NKTR: variants seen among roughly 807,000 people sequenced by gnomAD.
The protein encoded by NKTR is NK-tumor recognition protein.
Under a neutral mutation model 156.3 loss-of-function variants are expected in NKTR, and 67 were observed. That is an observed-to-expected ratio of 0.43 (90% CI 0.35 to 0.53). The LOEUF (loss-of-function observed/expected upper bound fraction) is 0.53, where lower values mean the gene tolerates loss of function less well. NKTR is among the 20% of genes least tolerant of loss of function. NKTR has a pLI of 0.01. For synonymous variants in NKTR, 640 were observed against 596.6 expected (o/e 1.07, Z -1.06); for missense variants, 1,604 against 1,730.9 (o/e 0.93, Z 1.30).
chr3:42,607,632 T>G (rs1350003311), intron 2 of NKTR, among the ~76,000 whole-genome samples: 2 of 152,138 alleles, frequency 1.3e-5, no homozygotes, highest in Non-Finnish European at 2.9e-5. Context: ...GTCAGTAAAC[T>G]AGAAGGAACT....
chr3:42,642,647 T>C lies in NKTR; in HGVS notation c.4142+51T>C, dbSNP rs763053898. ...TGTGGTCTCCATCATGTCCACTTTT[T>C]AAGGCTACATAGGCAGAGGGGGTAG... On this transcript the variant is annotated intron_variant, in intron 14 of 16. Coordinates refer to ENST00000232978, the MANE Select transcript of NKTR (RefSeq NM_005385.4). 25 of 1,264,612 alleles carry C rather than the reference T, an allele frequency of 2.0e-5. 1 individual carries two copies. The Admixed American group carries it at 3.7e-4, about 19-fold the overall frequency. 78.3% of individuals were successfully genotyped at this position (1,264,612 alleles called of 1,614,324 possible).
At chr3:42,622,478 T>A (rs1157234656) in intron 6 of NKTR, among the ~76,000 whole-genome samples, 4 of 152,076 alleles carry the variant, frequency 2.6e-5, no homozygotes, top group Admixed American at 2.6e-4. Context: ...TCCCTGTCTT[T>A]AAAGGAGTAT....
At chr3:42,632,132 C>T (rs1384106419) in intron 8 of NKTR, among the ~76,000 whole-genome samples, 2 of 136,654 alleles carry the variant, frequency 1.5e-5, no homozygotes, top group Admixed American at 1.6e-4. Flanking sequence ...TGCAGTGGCA[C>T]TATCTCGGCT....
chr3:42,633,381 C>A, intron 9 of NKTR, 199 bp from the exon 10 acceptor site: 1 of 1,356,752 alleles, frequency 7.4e-7, no homozygotes, highest in Non-Finnish European at 9.5e-7. Flanking sequence ...GATCATTTAA[C>A]AATTTTCCTA....
Position 42,630,816 on chromosome 3 carries a change from T to TATTTTTC in NKTR, c.404+242_404+248dup. On this transcript the variant is annotated intron_variant, in intron 7 of 16. Coordinates refer to ENST00000232978, the MANE Select transcript of NKTR (RefSeq NM_005385.4). ...CAGCAATATAATTCTTTTTATTTTT[T>TATTTTTC]ATTTTTCTCTTCAGTTTTCCAAAAT... 3 of 1,342,316 alleles carry TATTTTTC rather than the reference T, an allele frequency of 2.2e-6. No homozygotes were observed. In the South Asian group the frequency reaches 6.9e-5, roughly 31 times the overall value. The allele number at this position is 1,342,316 out of a possible 1,614,324, so 83.2% of individuals were successfully genotyped here.
chr3:42,620,102 A>G (rs886979586), intron 5 of NKTR: 28 of 1,521,816 alleles, frequency 1.8e-5, no homozygotes, highest in Non-Finnish European at 2.5e-5. Flanking sequence ...ACCCTTCCTA[A>G]TAAATTTATG....
rs1287508185 is a variant in NKTR at position 42,630,556 on chromosome 3, C to G, written c.385C>G (p.Pro129Ala). The change falls in exon 7 of 17, where the codon CCT (proline) becomes GCT (alanine). Residue 129 changes from proline to alanine, a missense_variant. Pro to Ala is a conservative substitution (Grantham distance 27, BLOSUM62 -1). Coordinates refer to ENST00000232978, the MANE Select transcript of NKTR (RefSeq NM_005385.4). ...NGSQFFITTK[P>A]APHLDGVHVV... ...ATGTTTATTACATAGTACCACAAAG[C>G]CTGCTCCACACCTGGATGGGTAAGA... 1.9e-6 allele frequency: 3 copies of G among 1,613,704 alleles called. No individual in the cohort carries two copies. The highest frequency in any genetic ancestry group is 2.5e-6 in the Non-Finnish European group (3 of 1,179,830).
chr3:42,601,044 T>C lies in NKTR; in HGVS notation c.38T>C (p.Ile13Thr). The change falls in exon 2 of 17, where the codon ATC becomes ACC. Residue 13 changes from isoleucine (I) to threonine (T), a missense_variant. Transcript: ENST00000232978. ...AQDRPQCHFD[I>T]EINREPVGRI... is the part of the protein sequence containing the mutation. ...GACCGGCCGCAGTGCCACTTCGACA[T>C]CGAGATCAACCGGGAGCCGGGTGAG... The C allele has an allele frequency of 1.3e-6, 2 of 1,582,540 alleles. No homozygotes were observed. The highest frequency in any genetic ancestry group is 1.7e-6 in the Non-Finnish European group (2 of 1,167,472).
rs538301506 is a variant in NKTR at position 42,643,141 on chromosome 3, C to A, written c.4143-198C>A. On this transcript the variant is annotated intron_variant, in intron 14 of 16. Transcript: ENST00000232978. ...TGACTATATGCATCTCAGAGAAGAA[C>A]TGCATAAAACTTGATCTTATGAAAT... Among the ~76,000 whole-genome samples, 25 of 152,300 alleles carry A rather than the reference C, an allele frequency of 1.6e-4. 1 individual carries two copies. In the South Asian group the frequency reaches 2.7e-3, roughly 16 times the overall value.
At chr3:42,621,752 T>TA (rs1707924133) in intron 6 of NKTR, among the ~76,000 whole-genome samples, 1 of 151,968 alleles carries the variant, frequency 6.6e-6, no homozygotes, top group Non-Finnish European at 1.5e-5. Context: ...GTTTTCAAAA[T>TA]ATGCCGTCAT....
intron 3 of NKTR, among the ~76,000 whole-genome samples, chr3:42,617,880 T>C (rs955576612): frequency 6.6e-6 from 1 of 152,154 alleles, no homozygotes; most frequent in African/African-American, 2.4e-5. Context: ...CTACGTTATA[T>C]AATGGAATCT....
At chr3:42,605,988 G>A (rs555603894) in intron 2 of NKTR, among the ~76,000 whole-genome samples, 4 of 152,084 alleles carry the variant, frequency 2.6e-5, no homozygotes, top group Non-Finnish European at 4.4e-5. Flanking sequence ...TATAACAATC[G>A]GATAAGCAGG....
At position 42,634,715 on chromosome 3, in the gene NKTR, A is replaced by G; in HGVS notation, c.1017+15A>G. 1 of 1,438,070 alleles carries G rather than the reference A, an allele frequency of 7.0e-7. No individual in the cohort carries two copies. Among genetic ancestry groups the G allele is most frequent in the Non-Finnish European group, 9.6e-7 (1 of 1,044,230 alleles). 89.1% of individuals were successfully genotyped at this position (1,438,070 alleles called of 1,614,324 possible). On this transcript the variant is annotated intron_variant, in intron 11 of 16. Coordinates refer to ENST00000232978, the MANE Select transcript of NKTR (RefSeq NM_005385.4). Reference sequence around the variant, plus strand: ...GGGGCACAATTGTATGTGTGATAAGACTTTTTTTGATATTATGTATCTAAT... The same window carrying G: ...GGGGCACAATTGTATGTGTGATAAGGCTTTTTTTGATATTATGTATCTAAT...
At position 42,639,581 on chromosome 3, in the gene NKTR, A is replaced by T; in HGVS notation, c.3877A>T (p.Asn1293Tyr). 2 of 1,614,194 alleles carry T rather than the reference A, an allele frequency of 1.2e-6. No homozygotes were observed. Among genetic ancestry groups the T allele is most frequent in the East Asian group, 4.5e-5 (2 of 44,882 alleles). ...KTARLNRRPR[N>Y]QESSSDEQTP... ...AGCACGCTTAAACCGTAGACCAAGAAATCAGGAGAGTTCAAGTGATGAGCA... is the reference window on the plus strand; with the variant it reads ...AGCACGCTTAAACCGTAGACCAAGATATCAGGAGAGTTCAAGTGATGAGCA... The change falls in exon 13 of 17, where the codon AAT (asparagine) becomes TAT (tyrosine). Residue 1293 changes from asparagine (N) to tyrosine (Y), a missense_variant. By Grantham distance (143) the Asn-to-Tyr change is moderately radical. Transcript: ENST00000232978.
Position 42,635,240 on chromosome 3 carries a change from G to T in NKTR, c.1037G>T (p.Arg346Ile). Residue 346 changes from arginine (R) to isoleucine (I), a missense_variant, in exon 12 of 17, where the codon AGA (arginine) becomes ATA (isoleucine). By Grantham distance (97) the Arg-to-Ile change is moderately conservative. Transcript: ENST00000232978. Reference protein sequence around the residue: ...RGTIRYHTPPRSRSCSESDDD... With the variant: ...RGTIRYHTPPISRSCSESDDD... ...TTAAAGCGCTATCACACACCTCCAA[G>T]ATCAAGATCCTGTTCTGAGTCAGAT... 1 of 1,612,058 alleles carries T rather than the reference G, an allele frequency of 6.2e-7. No individual in the cohort carries two copies. Among genetic ancestry groups the T allele is most frequent in the South Asian group, 1.1e-5 (1 of 90,592 alleles).
chr3:42,625,866 T>G (rs1298528826), intron 6 of NKTR, among the ~76,000 whole-genome samples: 1 of 152,178 alleles, frequency 6.6e-6, no homozygotes, highest in Non-Finnish European at 1.5e-5. Flanking sequence ...GTGCTAGCAA[T>G]GTGGAAGAAA....
intron 2 of NKTR, chr3:42,602,014 G>A (rs1705542303): frequency 6.6e-6 from 1 of 152,190 alleles, no homozygotes. Context: ...ATTTTGAGAA[G>A]ATGAGATTTA....
At chr3:42,619,604 A>T (rs1008964068) in intron 4 of NKTR, 60 bp from the exon 5 acceptor site, 34 of 1,596,508 alleles carry the variant, frequency 2.1e-5, no homozygotes, top group Non-Finnish European at 2.8e-5. Context: ...ATCAAAAATG[A>T]TTTCTGTGTT....
chr3:42,640,631 T>A (rs1709807630), intron 13 of NKTR, among the ~76,000 whole-genome samples: 1 of 152,242 alleles, frequency 6.6e-6, no homozygotes, highest in Non-Finnish European at 1.5e-5. Flanking sequence ...CCACGTGCCA[T>A]CTATACTCGG....
Sources: gnomAD v4.1 joint callset for allele counts (sites outside exome capture counted in the v4.1 genomes callset) on GRCh38, gnomAD v4.1.1 for gene constraint, MANE v1.5 for transcripts, NCBI Gene and HGNC (gene_info 2026-07-23, HGNC 2026-07-21) for gene names.